Variants in OPCML observed in about 807,000 individuals in gnomAD.
The protein encoded by OPCML is opioid binding protein/cell adhesion molecule like.
OPCML carries 13 observed loss-of-function variants against 37.8 expected under a neutral mutation model. The observed-to-expected ratio is 0.34, with a 90% confidence interval of 0.22 to 0.55. The LOEUF is 0.55. Ranked by LOEUF, OPCML falls within the 20% of genes least tolerant of loss-of-function variation. The probability of loss-of-function intolerance (pLI) is 0.91; values close to 1 mark genes in which losing one functional copy is unlikely to be tolerated. For missense variants in OPCML, 341 were observed against 435.6 expected, an observed-to-expected ratio of 0.78 and a Z score of 1.93; for synonymous variants, 176 against 168.8, an observed-to-expected ratio of 1.04 and a Z score of -0.33.
intron 1 of OPCML, among the ~76,000 whole-genome samples, chr11:133,141,991 G>A (rs1949830327): frequency 6.6e-6 from 1 of 152,148 alleles, no homozygotes; most frequent in South Asian, 2.1e-4. Context: ...GCATGAGTTT[G>A]CTGGGTTAGA....
intron 1 of OPCML, chr11:133,423,105 G>A: frequency 1.0e-6 from 1 of 985,260 alleles, no homozygotes; most frequent in South Asian, 4.7e-5. Context: ...TTGAGAAATG[G>A]GCTTCTATTT....
At chr11:133,125,763 TATATAGACACATGTATATA>T (rs1278396572) in intron 1 of OPCML, among the ~76,000 whole-genome samples, 3 of 97,960 alleles carry the variant, frequency 3.1e-5, no homozygotes, top group Admixed American at 1.2e-4. Flanking sequence ...TATACATGTA[TATATAGACACATGTATATA>T]GTATATATAC....
At chr11:133,328,640 C>T (rs370958275) in intron 1 of OPCML, among the ~76,000 whole-genome samples, 14 of 152,152 alleles carry the variant, frequency 9.2e-5, no homozygotes, top group African/African-American at 2.7e-4. Context: ...CCCCTATCCT[C>T]GACTAGCTCA....
chr11:133,254,972 C>T (rs868016648), intron 1 of OPCML, among the ~76,000 whole-genome samples: 7 of 152,148 alleles, frequency 4.6e-5, no homozygotes, highest in African/African-American at 7.2e-5. Context: ...GCCAAATTAA[C>T]GCTCTACCTT....
intron 1 of OPCML, among the ~76,000 whole-genome samples, chr11:133,191,522 T>TGTGG (rs1555111908): frequency 3.0e-4 from 45 of 151,970 alleles, no homozygotes; most frequent in African/African-American, 1.1e-3. Context: ...TGTGTGTGTG[T>TGTGG]GTGTGTGTGT....
At chr11:132,810,737 A>T (rs1939293190) in intron 2 of OPCML, 1 of 152,148 alleles carries the variant, frequency 6.6e-6, no homozygotes, top group Non-Finnish European at 1.5e-5. Context: ...TTGAAAATGG[A>T]ACTTAACGGC....
Position 132,787,660 on chromosome 11 carries a change from G to A in OPCML, c.147-130341C>T, listed in dbSNP as rs1056495185. On this transcript the variant is annotated intron_variant, in intron 2 of 7. Transcript: ENST00000524381. ...TGCCCATTTAGAGCTGACCAGAGAA[G>A]GTTGGTATCTTTTGTGAATTCCTAT... is the stretch of plus-strand genomic sequence containing the variant. Among the ~76,000 whole-genome samples the A allele has an allele frequency of 2.6e-5, 4 of 152,128 alleles. No homozygotes were observed. In the East Asian group the frequency reaches 5.8e-4, roughly 22 times the overall value.
intron 2 of OPCML, among the ~76,000 whole-genome samples, chr11:132,677,406 T>C (rs1942757077): frequency 6.6e-6 from 1 of 152,146 alleles, no homozygotes; most frequent in South Asian, 2.1e-4. Flanking sequence ...GAGACACTGA[T>C]TCTAAAGTTT....
intron 2 of OPCML, among the ~76,000 whole-genome samples, chr11:132,925,975 T>G (rs1194633963): frequency 6.6e-6 from 1 of 152,186 alleles, no homozygotes; most frequent in Non-Finnish European, 1.5e-5. Context: ...ACATTTGCCA[T>G]GAACCCTATT....
intron 1 of OPCML, among the ~76,000 whole-genome samples, chr11:133,288,352 C>T (rs2136530126): frequency 6.6e-6 from 1 of 152,298 alleles, no homozygotes; most frequent in Non-Finnish European, 1.5e-5. Context: ...TGAGACAACC[C>T]ATGGTCAAGT....
chr11:132,911,239 T>C (rs893568917), intron 2 of OPCML, among the ~76,000 whole-genome samples: 1 of 152,238 alleles, frequency 6.6e-6, no homozygotes, highest in Non-Finnish European at 1.5e-5. Context: ...CAAGAGAATT[T>C]TGATATCTCA....
intron 1 of OPCML, chr11:133,419,199 C>A (rs1945831420): frequency 4.1e-6 from 4 of 979,532 alleles, no homozygotes; most frequent in Non-Finnish European, 3.6e-6. Context: ...TTTTTCTGTG[C>A]AACGGGCCAG....
At chr11:132,691,457 C>T (rs1258964330) in intron 2 of OPCML, among the ~76,000 whole-genome samples, 1 of 152,218 alleles carries the variant, frequency 6.6e-6, no homozygotes, top group African/African-American at 2.4e-5. Context: ...TGTTATTTCT[C>T]CTACCAACTA....
At chr11:133,209,548 A>C (rs1939262514) in intron 1 of OPCML, among the ~76,000 whole-genome samples, 1 of 152,190 alleles carries the variant, frequency 6.6e-6, no homozygotes, top group African/African-American at 2.4e-5. Context: ...TAGAATATAA[A>C]ACACTTGATA....
chr11:133,144,147 C>T (rs557993475), intron 1 of OPCML, among the ~76,000 whole-genome samples: 35 of 152,158 alleles, frequency 2.3e-4, no homozygotes, highest in African/African-American at 2.4e-4. Flanking sequence ...TTTTCTTTCA[C>T]GACGAATGCT....
chr11:132,755,593 G>T (rs1946011522), intron 2 of OPCML, among the ~76,000 whole-genome samples: 2 of 152,128 alleles, frequency 1.3e-5, no homozygotes, highest in Admixed American at 1.3e-4. Flanking sequence ...TATATTCTAA[G>T]TGAAAAAATA....
chr11:133,144,072 TCTC>T (rs1565470948), intron 1 of OPCML, among the ~76,000 whole-genome samples: 2 of 152,190 alleles, frequency 1.3e-5, no homozygotes, highest in Non-Finnish European at 2.9e-5. Flanking sequence ...CATCTTCTTC[TCTC>T]CTCTGAGAGA....
At chr11:133,243,254 G>A (rs1940796725) in intron 1 of OPCML, among the ~76,000 whole-genome samples, 1 of 152,138 alleles carries the variant, frequency 6.6e-6, no homozygotes, top group Non-Finnish European at 1.5e-5. Context: ...CAAAAAATAG[G>A]CCAAATGAAG....
intron 2 of OPCML, among the ~76,000 whole-genome samples, chr11:132,721,100 CTCAT>C (rs750126243): frequency 2.2e-4 from 34 of 152,216 alleles, no homozygotes; most frequent in East Asian, 1.4e-3. Flanking sequence ...GGTTTGATTG[CTCAT>C]TCATTCATTC....
Sources: gnomAD v4.1 joint callset for allele counts (sites outside exome capture counted in the v4.1 genomes callset) on GRCh38, gnomAD v4.1.1 for gene constraint, MANE v1.5 for transcripts, NCBI Gene and HGNC (gene_info 2026-07-23, HGNC 2026-07-21) for gene names.